ITPR2: variants seen among roughly 807,000 people sequenced by gnomAD.
ITPR2 encodes the protein inositol 1,4,5-trisphosphate receptor type 2.
ITPR2 carries 207 observed loss-of-function variants against 317.1 expected under a neutral mutation model. The observed-to-expected ratio is 0.65, with a 90% CI of 0.58 to 0.73. The LOEUF is 0.73. Among genes scored for constraint, ITPR2 ranks in the 30% least tolerant of loss-of-function variants. The probability of loss-of-function intolerance (pLI) is 0.00; values close to 1 mark genes in which losing one functional copy is unlikely to be tolerated. For synonymous variants in ITPR2, 1,156 were observed against 1,149.1 expected (o/e 1.01, Z -0.12); for missense variants, 2,613 against 3,284.0 (o/e 0.80, Z 4.99).
chr12:26,360,895 A>C (rs1385545243), intron 55 of ITPR2, among the ~76,000 whole-genome samples: 2 of 151,814 alleles, frequency 1.3e-5, no homozygotes, highest in Non-Finnish European at 2.9e-5. Flanking sequence ...TTTTTCTGCA[A>C]TTGGGGTACT....
chr12:26,656,293 A>G lies in ITPR2; in HGVS notation c.2444+4T>C, dbSNP rs752024325. On this transcript the variant is annotated splice_donor_region_variant and intron_variant, in intron 19 of 56. Transcript: ENST00000381340. Reference sequence around the variant, plus strand: ...AAAGCCTCAAGACCTTTTTCCAAACATACTCATGAATTGTGATCTTTGTGG... The same window carrying G: ...AAAGCCTCAAGACCTTTTTCCAAACGTACTCATGAATTGTGATCTTTGTGG... 6.2e-7 allele frequency: 1 copy of G among 1,613,378 alleles called. No individual in the cohort carries two copies. Among genetic ancestry groups the G allele is most frequent in the African/African-American group, 1.3e-5 (1 of 75,014 alleles).
intron 14 of ITPR2, among the ~76,000 whole-genome samples, 195 bp from the exon 15 acceptor site, chr12:26,664,041 T>C (rs1947563999): frequency 6.6e-6 from 1 of 152,198 alleles, no homozygotes; most frequent in Admixed American, 6.5e-5. Flanking sequence ...AAGGGTCACC[T>C]ACATTGAGTG....
chr12:26,514,501 G>A (rs1303499197), intron 37 of ITPR2, among the ~76,000 whole-genome samples: 1 of 152,224 alleles, frequency 6.6e-6, no homozygotes, highest in African/African-American at 2.4e-5. Context: ...TTATGTTTTT[G>A]TCTGACTGCC....
intron 37 of ITPR2, among the ~76,000 whole-genome samples, chr12:26,520,097 C>T (rs1411570094): frequency 6.6e-6 from 1 of 152,098 alleles, no homozygotes; most frequent in Admixed American, 6.5e-5. Context: ...CAGTATATTA[C>T]CTATTCAAAA....
rs576976582 is a variant in ITPR2 at position 26,337,614 on chromosome 12, C to T, written c.*1783G>A. 1 of 152,296 alleles carries T rather than the reference C, an allele frequency of 6.6e-6. No individual in the cohort carries two copies. Among genetic ancestry groups the T allele is most frequent in the East Asian group, 1.9e-4 (1 of 5,190 alleles). The allele number at this position is 152,296 out of a possible 1,614,324, so 9.4% of individuals were successfully genotyped here. On this transcript the variant is annotated 3_prime_UTR_variant, in exon 57 of 57. Transcript: ENST00000381340. Reference sequence around the variant, plus strand: ...GAGTAACTGAATGACAGCTGAATTTCTCATGTATTTATTGACTGCCTCCTA... The same window carrying T: ...GAGTAACTGAATGACAGCTGAATTTTTCATGTATTTATTGACTGCCTCCTA...
intron 48 of ITPR2, among the ~76,000 whole-genome samples, chr12:26,432,703 C>A (rs922137401): frequency 1.3e-5 from 2 of 151,352 alleles, no homozygotes; most frequent in African/African-American, 2.5e-5. Flanking sequence ...GCTTTATCTT[C>A]CCACTATCAA....
rs1555133879 is a variant in ITPR2, at chr12:26,462,154, C to CTTTTGTTTTGTTTAGTTTTGTTTTG, written c.6342+13141_6342+13142insCAAAACAAAACTAAACAAAACAAAA. On this transcript the variant is annotated intron_variant, in intron 45 of 56. Coordinates refer to ENST00000381340, the MANE Select transcript of ITPR2 (RefSeq NM_002223.4). ...TCCATGGGCTACTACACAAGGAAAA[C>CTTTTGTTTTGTTTAGTTTTGTTTTG]TTTTGTTTTGTTTTGTTTTGTTTTG... Among the ~76,000 whole-genome samples, 471 of 149,692 alleles carry CTTTTGTTTTGTTTAGTTTTGTTTTG rather than the reference C, an allele frequency of 3.1e-3. 3 individuals carry two copies. Among genetic ancestry groups the CTTTTGTTTTGTTTAGTTTTGTTTTG allele is most frequent in the African/African-American group, 0.011 (454 of 40,628 alleles).
intron 37 of ITPR2, among the ~76,000 whole-genome samples, chr12:26,539,838 G>T (rs1168902513): frequency 6.6e-6 from 1 of 152,216 alleles, no homozygotes; most frequent in Non-Finnish European, 1.5e-5. Flanking sequence ...GATATGCAAA[G>T]TATAACATGA....
At position 26,580,040 on chromosome 12, in the gene ITPR2, C is replaced by T. The variant is rs1945362989; in HGVS notation, c.4496G>A (p.Ser1499Asn). The T allele has an allele frequency of 1.2e-6, 2 of 1,611,950 alleles. No homozygotes were observed. The highest frequency in any genetic ancestry group is 1.7e-5 in the Admixed American group (1 of 59,902). ...GFFNSPFSDN[S>N]TSLQTHQPVF... is the part of the protein sequence containing the mutation. ...TGTTTAACTTACCTGGAGGCTGGTA[C>T]TATTGTCTGAAAAGGGAGAATTAAA... is the stretch of plus-strand genomic sequence containing the variant. Residue 1499 changes from serine (S) to asparagine (N), a missense_variant, in exon 33 of 57, where the codon AGT (serine) becomes AAT (asparagine). This residue lies in a region of ITPR2 where 926 missense variants were observed against 1,072.8 expected (regional missense o/e 0.86). Transcript: ENST00000381340.
At chr12:26,780,292 C>T (rs1188041000) in intron 2 of ITPR2, among the ~76,000 whole-genome samples, 3 of 152,210 alleles carry the variant, frequency 2.0e-5, no homozygotes, top group Admixed American at 2.0e-4. Flanking sequence ...TATACTGGAA[C>T]TCTTTCATCA....
chr12:26,388,434 G>C (rs1294351756), intron 54 of ITPR2, among the ~76,000 whole-genome samples: 1 of 152,030 alleles, frequency 6.6e-6, no homozygotes, highest in African/African-American at 2.4e-5. Flanking sequence ...AGCATTTTTT[G>C]TAAGTTCACT....
chr12:26,753,098 C>T (rs1256398072), intron 2 of ITPR2, among the ~76,000 whole-genome samples: 1 of 151,944 alleles, frequency 6.6e-6, no homozygotes, highest in African/African-American at 2.4e-5. Context: ...GGTTAGAGGC[C>T]CAACTTAGGG....
intron 37 of ITPR2, among the ~76,000 whole-genome samples, chr12:26,540,734 G>T (rs186626194): frequency 2.0e-5 from 3 of 152,092 alleles, no homozygotes; most frequent in African/African-American, 7.2e-5. Flanking sequence ...TAATAATGAG[G>T]TTAAAATGAA....
intron 2 of ITPR2, among the ~76,000 whole-genome samples, chr12:26,743,251 C>T (rs1304368498): frequency 6.6e-6 from 1 of 152,064 alleles, no homozygotes; most frequent in East Asian, 1.9e-4. Flanking sequence ...AGGGTAAAAA[C>T]AGTGGTTACC....
intron 55 of ITPR2, among the ~76,000 whole-genome samples, chr12:26,368,620 T>C (rs1240391896): frequency 1.3e-5 from 2 of 152,226 alleles, no homozygotes; most frequent in Non-Finnish European, 2.9e-5. Context: ...TCAGCTGCCA[T>C]ACATTTTTAC....
rs116895051 is a variant in ITPR2, at chr12:26,668,140, T to C, written c.1410-2089A>G. On this transcript the variant is annotated intron_variant, in intron 13 of 56. Transcript: ENST00000381340. ...TGGGTAGCTCCTACTAGCTCACGCA[T>C]TTGCTTTTTAAGCTTTATGGAAAAT... 3.7e-3 allele frequency among the ~76,000 whole-genome samples: 567 copies of C among 152,344 alleles called. 2 individuals are homozygous for C. Among genetic ancestry groups the C allele is most frequent in the Middle Eastern group, 0.017 (5 of 294 alleles).
chr12:26,402,171 C>A (rs1300188113), intron 52 of ITPR2, among the ~76,000 whole-genome samples: 1 of 152,056 alleles, frequency 6.6e-6, no homozygotes, highest in African/African-American at 2.4e-5. Context: ...GCAGTAGATG[C>A]CAACATGATG....
chr12:26,449,211 A>G (rs1267386252), intron 45 of ITPR2, among the ~76,000 whole-genome samples: 4 of 152,158 alleles, frequency 2.6e-5, no homozygotes, highest in Non-Finnish European at 5.9e-5. Flanking sequence ...CCAAGATCGC[A>G]AAGTGAGCTG....
chr12:26,668,962 T>C (rs1328546741), intron 13 of ITPR2, among the ~76,000 whole-genome samples: 4 of 151,830 alleles, frequency 2.6e-5, no homozygotes, highest in African/African-American at 4.8e-5. Flanking sequence ...CACAAAACAA[T>C]TAAAAAATTA....
Sources: gnomAD v4.1 joint callset for allele counts (sites outside exome capture counted in the v4.1 genomes callset) on GRCh38, gnomAD v4.1.1 for gene constraint, gnomAD v4.1.1 regional missense constraint, MANE v1.5 for transcripts, NCBI Gene and HGNC (gene_info 2026-07-23, HGNC 2026-07-21) for gene names.